The following ASH1L variants were observed in gnomAD, a reference collection of about 807,000 sequenced individuals.
ASH1L encodes histone-lysine N-methyltransferase ASH1L.
In ASH1L, 23 loss-of-function variants were observed where a neutral mutation model predicts 269.0. The observed-to-expected ratio is 0.09, with a 90% CI of 0.06 to 0.12. ASH1L has a LOEUF of 0.12. Among genes scored for constraint, ASH1L ranks in the 10% least tolerant of loss-of-function variants. ASH1L has a pLI of 1.00. For missense variants in ASH1L, 2,912 were observed against 3,567.8 expected (o/e 0.82, Z 4.68); for synonymous variants, 1,187 against 1,253.5 (o/e 0.95, Z 1.12).
chr1:155,562,859 G>GGCCACCAACCGCC, upstream of ASH1L: 1 of 215,676 alleles, frequency 4.6e-6, no homozygotes, highest in Non-Finnish European at 8.7e-6. Context: ...CCGCCCCCAC[G>GGCCACCAACCGCC]GCCACCAACC....
intron 6 of ASH1L, among the ~76,000 whole-genome samples, chr1:155,400,615 T>C (rs757407718): frequency 2.6e-5 from 4 of 152,184 alleles, no homozygotes; most frequent in Non-Finnish European, 4.4e-5. Context: ...ATAAATTCTA[T>C]AACCACAAAT....
At chr1:155,396,263 AG>A (rs1461732366) in intron 6 of ASH1L, 1 of 152,116 alleles carries the variant, frequency 6.6e-6, no homozygotes, top group African/African-American at 2.4e-5. Flanking sequence ...GCCTTAGAAG[AG>A]TCTCATTTAA....
intron 2 of ASH1L, among the ~76,000 whole-genome samples, chr1:155,515,776 C>T (rs756622022): frequency 6.8e-6 from 1 of 147,734 alleles, no homozygotes; most frequent in South Asian, 2.1e-4. Context: ...TGCAGTGAGC[C>T]GAGATCAAGC....
intron 1 of ASH1L, among the ~76,000 whole-genome samples, chr1:155,555,710 A>C (rs1257630340): frequency 6.6e-6 from 1 of 152,160 alleles, no homozygotes; most frequent in African/African-American, 2.4e-5. Flanking sequence ...AATGATGTGA[A>C]CTATTTACCT....
chr1:155,446,009 G>T lies in ASH1L; in HGVS notation c.5087-6941C>A, dbSNP rs561103366. 5.5e-4 allele frequency among the ~76,000 whole-genome samples: 82 copies of T among 149,432 alleles called. 2 individuals carry two copies. The South Asian group carries it at 0.017, about 32-fold the overall frequency. ...TTCCCCCATGTTGCTAGGACTACAG[G>T]CATGAACCACTGGGCCTACACTGTA... is the stretch of plus-strand genomic sequence containing the variant. On this transcript the variant is annotated intron_variant, in intron 4 of 27. Transcript: ENST00000392403.
intron 10 of ASH1L, among the ~76,000 whole-genome samples, chr1:155,375,720 C>G (rs1055464453): frequency 6.6e-6 from 1 of 151,976 alleles, no homozygotes; most frequent in African/African-American, 2.4e-5. Context: ...ATCGCTTGAA[C>G]CCGGGAGGTG....
At chr1:155,553,799 G>T (rs1671380022) in intron 1 of ASH1L, among the ~76,000 whole-genome samples, 1 of 151,202 alleles carries the variant, frequency 6.6e-6, no homozygotes. Context: ...CCTCCTATTA[G>T]AATTTTTTTT....
intron 1 of ASH1L, among the ~76,000 whole-genome samples, chr1:155,557,736 A>G (rs1421401571): frequency 1.3e-5 from 2 of 152,232 alleles, no homozygotes; most frequent in African/African-American, 4.8e-5. Context: ...GCCTCTTCAT[A>G]TGAAAAAATA....
rs554004512 is a variant in ASH1L at position 155,520,036 on chromosome 1, G to A, written c.420+1064C>T. Among the ~76,000 whole-genome samples, 187 of 152,118 alleles carry A rather than the reference G, an allele frequency of 1.2e-3. 1 individual carries two copies. The highest frequency in any genetic ancestry group is 4.3e-3 in the African/African-American group (179 of 41,484). On this transcript the variant is annotated intron_variant, in intron 2 of 27. Coordinates refer to ENST00000392403, the MANE Select transcript of ASH1L (RefSeq NM_018489.3). ...TTAATGGTTATGGAGTTTTAATTTG[G>A]GATAATGAAAAAGGTTTAGAAGTAA...
intron 3 of ASH1L, among the ~76,000 whole-genome samples, chr1:155,463,710 G>A (rs1664469554): frequency 6.6e-6 from 1 of 152,012 alleles, no homozygotes; most frequent in African/African-American, 2.4e-5. Flanking sequence ...TGGGAAGATC[G>A]CTTGAGCCCA....
intron 10 of ASH1L, among the ~76,000 whole-genome samples, chr1:155,376,656 C>T (rs960950690): frequency 6.7e-6 from 1 of 148,646 alleles, no homozygotes; most frequent in Admixed American, 6.7e-5. Context: ...TCCAGCCTGG[C>T]GACAGAGCGC....
chr1:155,458,318 G>A (rs1308886496), intron 4 of ASH1L, among the ~76,000 whole-genome samples: 1 of 152,210 alleles, frequency 6.6e-6, no homozygotes, highest in Non-Finnish European at 1.5e-5. Context: ...GAGATAGAAA[G>A]GCAGGAGATA....
intron 8 of ASH1L, among the ~76,000 whole-genome samples, chr1:155,379,468 G>A (rs1253179193): frequency 1.3e-5 from 2 of 152,058 alleles, no homozygotes; most frequent in African/African-American, 4.8e-5. Flanking sequence ...CTCAATATGA[G>A]ACCTGGGGGC....
chr1:155,542,681 ATTTTT>A (rs139373080), intron 1 of ASH1L, among the ~76,000 whole-genome samples: 1 of 127,286 alleles, frequency 7.9e-6, no homozygotes, highest in Non-Finnish European at 1.7e-5. Context: ...TAATTAATTA[ATTTTT>A]TTTTTTTTTT....
intron 12 of ASH1L, among the ~76,000 whole-genome samples, chr1:155,362,105 G>A (rs901101042): frequency 6.6e-6 from 1 of 151,574 alleles, no homozygotes; most frequent in African/African-American, 2.4e-5. Context: ...GCAGAATCTC[G>A]GCTCACTGCA....
rs543362410 is a variant in ASH1L, at chr1:155,495,850, T to C, written c.421-13401A>G. Among the ~76,000 whole-genome samples, 15 of 152,046 alleles carry C rather than the reference T, an allele frequency of 9.9e-5. 1 individual carries two copies. The South Asian group carries it at 3.1e-3, about 32-fold the overall frequency. ...GTGTTTCTACTAAAAATACAAAAAT[T>C]AGCTGGTCATGGTGGCAGGAGCCTG... On this transcript the variant is annotated intron_variant, in intron 2 of 27. Coordinates refer to ENST00000392403, the MANE Select transcript of ASH1L (RefSeq NM_018489.3).
chr1:155,378,283 A>G lies in ASH1L; in HGVS notation c.6330T>C (p.Asn2110=). ...GAGAAATCAAAGCATGACAGTACCTATTGAGGCAGTCATCAACACAGCCCT... is the reference window on the plus strand; with the variant it reads ...GAGAAATCAAAGCATGACAGTACCTGTTGAGGCAGTCATCAACACAGCCCT... ...TRKGCVDDCL[N]RMIFAECSPN... is the part of the protein sequence containing the mutation. The change falls in exon 10 of 28, where the codon AAT becomes AAC. Residue 2110 remains asparagine, a splice_region_variant and synonymous_variant. Coordinates refer to ENST00000392403, the MANE Select transcript of ASH1L (RefSeq NM_018489.3). The G allele has an allele frequency of 1.2e-6, 2 of 1,612,682 alleles. No homozygotes were observed. The highest frequency in any genetic ancestry group is 1.1e-5 in the South Asian group (1 of 91,048).
chr1:155,491,941 G>C (rs921993993), intron 2 of ASH1L, among the ~76,000 whole-genome samples: 2 of 151,848 alleles, frequency 1.3e-5, no homozygotes, highest in Non-Finnish European at 2.9e-5. Context: ...TCAATGTGCT[G>C]GGATTACAGG....
At chr1:155,527,939 G>C (rs1382450170) in intron 1 of ASH1L, among the ~76,000 whole-genome samples, 1 of 151,954 alleles carries the variant, frequency 6.6e-6, no homozygotes, top group Non-Finnish European at 1.5e-5. Flanking sequence ...TTAAATACTG[G>C]AGTGACGCAG....
Sources: gnomAD v4.1 joint callset for allele counts (sites outside exome capture counted in the v4.1 genomes callset) on GRCh38, gnomAD v4.1.1 for gene constraint, MANE v1.5 for transcripts, NCBI Gene and HGNC (gene_info 2026-07-23, HGNC 2026-07-21) for gene names.